The following DUSP11 variants were observed in gnomAD, a reference collection of about 807,000 sequenced individuals.
DUSP11 encodes the protein dual specificity phosphatase 11, also known as RNA/RNP complex-1-interacting phosphatase.
In DUSP11, 27 loss-of-function variants were observed where a neutral mutation model predicts 41.4. The ratio of observed to expected loss-of-function variants is 0.65; its 90% CI spans 0.48 to 0.90. The LOEUF (loss-of-function observed/expected upper bound fraction) is 0.90. Among genes scored for constraint, DUSP11 ranks in the 40% least tolerant of loss-of-function variants. The probability of loss-of-function intolerance (pLI) is 0.00; values close to 1 mark genes in which losing one functional copy is unlikely to be tolerated. For synonymous variants in DUSP11, 188 were observed against 159.3 expected, an observed-to-expected ratio of 1.18 and a Z score of -1.35; for missense variants, 465 against 461.1, an observed-to-expected ratio of 1.01 and a Z score of -0.08.
chr2:73,765,077 T>C (rs1672432321), intron 8 of DUSP11, among the ~76,000 whole-genome samples: 1 of 152,198 alleles, frequency 6.6e-6, no homozygotes. Context: ...GATATCTAGA[T>C]AGCTGGTAAA....
intron 2 of DUSP11, among the ~76,000 whole-genome samples, 157 bp downstream of exon 2, chr2:73,778,144 G>A (rs1672719432): frequency 6.6e-6 from 1 of 151,962 alleles, no homozygotes; most frequent in Non-Finnish European, 1.5e-5. Flanking sequence ...ATATGAAGTA[G>A]GTTGTATGTA....
chr2:73,771,677 T>G (rs71418703), intron 4 of DUSP11, among the ~76,000 whole-genome samples: 1 of 131,678 alleles, frequency 7.6e-6, no homozygotes, highest in South Asian at 2.5e-4. Flanking sequence ...TTTTTTTTTG[T>G]ATTTTTAGTA....
chr2:73,768,715 G>C, intron 5 of DUSP11: 1 of 939,794 alleles, frequency 1.1e-6, no homozygotes, highest in Non-Finnish European at 1.3e-6. Context: ...CCAGCACTTT[G>C]GGAGGCCGAG....
intron 4 of DUSP11, among the ~76,000 whole-genome samples, chr2:73,772,676 T>G (rs1468421317): frequency 6.6e-6 from 1 of 152,180 alleles, no homozygotes; most frequent in Admixed American, 6.5e-5. Context: ...TGACAACAGC[T>G]TATACAAATG....
chr2:73,776,882 A>G (rs907781984), intron 2 of DUSP11, among the ~76,000 whole-genome samples: 6 of 152,234 alleles, frequency 3.9e-5, no homozygotes, highest in African/African-American at 1.4e-4. Context: ...GTGTTAATAT[A>G]CGTGAAGCCC....
Position 73,762,837 on chromosome 2 carries a change from CAT to C in DUSP11, c.956_957del (p.His319ArgfsTer37), listed in dbSNP as rs1195636076. 1.2e-5 allele frequency: 19 copies of C among 1,581,910 alleles called. No homozygotes were observed. The highest frequency in any genetic ancestry group is 2.3e-5 in the East Asian group (1 of 43,898). On this transcript the variant is annotated frameshift_variant, in exon 9 of 9. Transcript: ENST00000272444. LOFTEE classifies it low-confidence loss of function (END_TRUNC). ...GGAGGGAGATGGTGTCTCTGGTAAA[CAT>C]GTGGATTCTCTGAAAATTTTCTTAA...
chr2:73,766,653 G>C (rs1055169705), intron 7 of DUSP11, 59 bp from the exon 8 acceptor site: 4 of 1,512,144 alleles, frequency 2.6e-6, no homozygotes, highest in Non-Finnish European at 3.6e-6. Flanking sequence ...AGTCAATTTA[G>C]TGACTATATT....
rs1558533344 is a variant in DUSP11, at chr2:73,769,340, T to C, written c.575-15A>G. On this transcript the variant is annotated splice_polypyrimidine_tract_variant and intron_variant, in intron 4 of 8. Transcript: ENST00000272444. ...AATAAGTTTATCTATAAAAAGAAAA[T>C]ACAGGGTTAAGTAACTGAAGTAGAT... 1.3e-6 allele frequency: 2 copies of C among 1,591,398 alleles called. No homozygotes were observed. The highest frequency in any genetic ancestry group is 1.7e-6 in the Non-Finnish European group (2 of 1,160,490).
chr2:73,777,958 G>T (rs762167554), intron 2 of DUSP11, among the ~76,000 whole-genome samples: 1 of 152,010 alleles, frequency 6.6e-6, no homozygotes, highest in Non-Finnish European at 1.5e-5. Context: ...AACCCACCTA[G>T]ATCAGTCTAC....
At chr2:73,774,285 T>C (rs779751211) in intron 3 of DUSP11, among the ~76,000 whole-genome samples, 10 of 152,160 alleles carry the variant, frequency 6.6e-5, no homozygotes, top group Admixed American at 1.3e-4. Context: ...GAGTAGAGAA[T>C]AGAGTCAGAA....
At position 73,762,579 on chromosome 2, in the gene DUSP11, T is replaced by C. The variant is rs547464771; in HGVS notation, c.*82A>G. ...TAAGGGAACAATAAAGAAACCTGAT[T>C]AGACCTGAACTAATTAAAAGTCACA... On this transcript the variant is annotated 3_prime_UTR_variant, in exon 9 of 9. Coordinates refer to ENST00000272444, the Ensembl canonical transcript of DUSP11. The C allele has an allele frequency of 9.9e-5, 105 of 1,057,710 alleles. No individual in the cohort carries two copies. The African/African-American group carries it at 1.6e-3, about 16-fold the overall frequency. 65.5% of individuals were successfully genotyped at this position (1,057,710 alleles called of 1,614,324 possible). A position where few individuals can be genotyped will look rare whatever the true frequency, so the allele number is the denominator to read the frequency against.
intron 2 of DUSP11, among the ~76,000 whole-genome samples, chr2:73,775,619 G>A (rs959744396): frequency 1.3e-5 from 2 of 150,156 alleles, no homozygotes; most frequent in Non-Finnish European, 3.0e-5. Flanking sequence ...ACTTTGGGAG[G>A]CCAAGGCGGG....
At chr2:73,765,366 C>T (rs1672441949) in intron 8 of DUSP11, among the ~76,000 whole-genome samples, 1 of 152,208 alleles carries the variant, frequency 6.6e-6, no homozygotes, top group South Asian at 2.1e-4. Context: ...ACCAGATTCC[C>T]AGGCCTTCAG....
At chr2:73,766,871 T>C (rs1456021779) in exon 7 of DUSP11, 4 of 1,613,552 alleles carry the variant, frequency 2.5e-6, no homozygotes, top group Non-Finnish European at 3.4e-6. Flanking sequence ...TAGTTTTGTC[T>C]TTCTAAGCAA....
intron 1 of DUSP11, 94 bp from the exon 2 acceptor site, chr2:73,778,470 C>T (rs1384561321): frequency 1.4e-6 from 1 of 715,028 alleles, no homozygotes; most frequent in Non-Finnish European, 2.2e-6. Context: ...ATAGCCCGCA[C>T]AACATGTCCT....
At chr2:73,768,650 A>G (rs929038394) in intron 5 of DUSP11, 4 of 985,258 alleles carry the variant, frequency 4.1e-6, no homozygotes, top group Non-Finnish European at 4.8e-6. Flanking sequence ...AGAACAACGC[A>G]GGCCTTAAAA....
Position 73,780,053 on chromosome 2 carries a change from C to T in DUSP11, c.63G>A (p.Gly21=), listed in dbSNP as rs776166463. 1.9e-6 allele frequency: 3 copies of T among 1,611,526 alleles called. No homozygotes were observed. The South Asian group carries it at 3.3e-5, about 18-fold the overall frequency. ...CGGCGCCCTCAATGCCAGGATAAGA[C>T]CCTAAACAGGAAAAGACTCGGCAGC... Residue 21 remains glycine (G), a synonymous_variant, in exon 1 of 9, where the codon GGG becomes GGA. Transcript: ENST00000272444.
chr2:73,769,661 A>T (rs1266603332), intron 4 of DUSP11, among the ~76,000 whole-genome samples: 2 of 152,252 alleles, frequency 1.3e-5, no homozygotes, highest in Non-Finnish European at 2.9e-5. Context: ...AGAAGAATGA[A>T]ATTTGTTTCT....
chr2:73,779,663 CT>C, intron 1 of DUSP11: 1 of 752,500 alleles, frequency 1.3e-6, no homozygotes, highest in African/African-American at 1.8e-5. Context: ...CAGAACCTCC[CT>C]TTTACAAGAA....
Sources: allele counts gnomAD v4.1 joint callset (sites outside exome capture counted in the v4.1 genomes callset), GRCh38; gene constraint gnomAD v4.1.1; transcripts MANE v1.5; gene names NCBI Gene and HGNC (gene_info 2026-07-23, HGNC 2026-07-21).